DPY19L1: variants seen among roughly 807,000 people sequenced by gnomAD.
The protein encoded by DPY19L1 is dpy-19 like C-mannosyltransferase 1.
In DPY19L1, 35 loss-of-function variants were observed where a neutral mutation model predicts 96.9. The observed-to-expected ratio is 0.36, with a 90% CI of 0.28 to 0.48. The LOEUF (loss-of-function observed/expected upper bound fraction) is 0.48. Among genes scored for constraint, DPY19L1 ranks in the 20% least tolerant of loss-of-function variants. The probability of loss-of-function intolerance (pLI) is 0.99; values close to 1 mark genes in which losing one functional copy is unlikely to be tolerated. For missense variants in DPY19L1, 521 were observed against 777.9 expected (o/e 0.67, Z 3.93); for synonymous variants, 205 against 252.6 (o/e 0.81, Z 1.79).
intron 8 of DPY19L1, among the ~76,000 whole-genome samples, chr7:34,970,388 T>A (rs553194238): frequency 9.8e-5 from 15 of 152,306 alleles, no homozygotes; most frequent in African/African-American, 3.6e-4. Context: ...CCAGATAACC[T>A]TTTAATGAGT....
At chr7:35,002,943 G>A (rs1239022775) in intron 6 of DPY19L1, among the ~76,000 whole-genome samples, 3 of 151,932 alleles carry the variant, frequency 2.0e-5, no homozygotes, top group East Asian at 3.9e-4. Context: ...TAATTTTTTT[G>A]TATTTTTTAG....
chr7:34,961,079 T>C lies in DPY19L1; in HGVS notation c.1093-3009A>G, dbSNP rs184470969. The stretch of plus-strand genomic sequence containing the variant: ...ACAGGAAGATTCCATATTGAAGGGA[T>C]GTCAGTTCTTCCCAACTTGATTCAG... On this transcript the variant is annotated intron_variant, in intron 10 of 21. Transcript: ENST00000638088. Among the ~76,000 whole-genome samples the C allele has an allele frequency of 6.2e-3, 944 of 152,320 alleles. 7 individuals carry two copies. The highest frequency in any genetic ancestry group is 0.021 in the African/African-American group (883 of 41,568).
chr7:35,002,061 AG>A (rs1785438394), intron 6 of DPY19L1, among the ~76,000 whole-genome samples: 2 of 147,310 alleles, frequency 1.4e-5, no homozygotes, highest in Admixed American at 1.4e-4. Context: ...CAGGAGGCCA[AG>A]GTTGCAGTGA....
intron 7 of DPY19L1, chr7:34,988,154 G>T (rs1408102730): frequency 6.6e-6 from 1 of 152,040 alleles, no homozygotes; most frequent in African/African-American, 2.4e-5. Flanking sequence ...ATAAGAAAAC[G>T]TAAGACGAAG....
Position 34,949,803 on chromosome 7 carries a change from T to A in DPY19L1, c.1416A>T (p.Glu472Asp). Residue 472 changes from glutamate (E) to aspartate (D), a missense_variant, in exon 14 of 22, where the codon GAA becomes GAT. By Grantham distance (45) the Glu-to-Asp change is conservative. Coordinates refer to ENST00000638088, the MANE Select transcript of DPY19L1 (RefSeq NM_001366673.1). ...YTCAAEFDFM[E>D]KETPLRYTKT... ...ACTAGAAATCACATCTTACCTCTTT[T>A]TCCATAAAGTCAAACTCCGCTGCAC... 1 of 1,590,518 alleles carries A rather than the reference T, an allele frequency of 6.3e-7. No homozygotes were observed. The highest frequency in any genetic ancestry group is 1.4e-5 in the African/African-American group (1 of 74,032).
At chr7:34,941,687 G>A in intron 18 of DPY19L1, 78 bp downstream of exon 18, 13 of 1,357,390 alleles carry the variant, frequency 9.6e-6, no homozygotes, top group Non-Finnish European at 1.3e-5. Flanking sequence ...AAAAGACTTT[G>A]TAATTCATTA....
At chr7:34,963,256 T>G (rs1394317528) in intron 10 of DPY19L1, among the ~76,000 whole-genome samples, 4 of 150,064 alleles carry the variant, frequency 2.7e-5, no homozygotes, top group African/African-American at 9.8e-5. Context: ...AAAATAAAGA[T>G]TTTTAATTAA....
At chr7:35,018,917 T>C (rs1293986375) in intron 1 of DPY19L1, among the ~76,000 whole-genome samples, 2 of 152,034 alleles carry the variant, frequency 1.3e-5, no homozygotes, top group African/African-American at 4.8e-5. Flanking sequence ...TAAGGATAAC[T>C]TAGAATAAAG....
intron 21 of DPY19L1, among the ~76,000 whole-genome samples, 149 bp downstream of exon 21, chr7:34,937,841 AGAGT>A (rs1348537008): frequency 6.6e-6 from 1 of 152,072 alleles, no homozygotes. Context: ...CCTGGGCAAC[AGAGT>A]GAGAGCCTGT....
At chr7:35,023,629 T>C (rs1243987838) in intron 1 of DPY19L1, among the ~76,000 whole-genome samples, 2 of 152,178 alleles carry the variant, frequency 1.3e-5, no homozygotes. Context: ...ATTTTACAAA[T>C]GAAAGAATGG....
chr7:35,001,406 C>T (rs1785423737), intron 6 of DPY19L1, among the ~76,000 whole-genome samples: 1 of 152,120 alleles, frequency 6.6e-6, no homozygotes, highest in Non-Finnish European at 1.5e-5. Context: ...TTTTGGAAGG[C>T]AAGCATTCTT....
Position 34,940,258 on chromosome 7 carries a change from T to A in DPY19L1, c.1759A>T (p.Ile587Leu), listed in dbSNP as rs755601353. The change falls in exon 19 of 22, where the codon ATA becomes TTA. Residue 587 changes from isoleucine (I) to leucine (L), a missense_variant. Physicochemically the swap from Ile to Leu is conservative, Grantham distance 5 (BLOSUM62 2). Transcript: ENST00000638088. ...GTTTGCAGATTTGCTGAACCTTGTATTGACATTGCTGCTAATATAGCAAAC... is the reference window on the plus strand; with the variant it reads ...GTTTGCAGATTTGCTGAACCTTGTAATGACATTGCTGCTAATATAGCAAAC... ...IVFAILAAMS[I>L]QGSANLQTQW... 2 of 1,612,714 alleles carry A rather than the reference T, an allele frequency of 1.2e-6. No homozygotes were observed. The highest frequency in any genetic ancestry group is 4.5e-5 in the East Asian group (2 of 44,828).
intron 6 of DPY19L1, among the ~76,000 whole-genome samples, chr7:35,002,531 A>G (rs1329892129): frequency 6.6e-6 from 1 of 152,210 alleles, no homozygotes; most frequent in Non-Finnish European, 1.5e-5. Flanking sequence ...GAAATAATTC[A>G]AGAAAATTCT....
intron 8 of DPY19L1, among the ~76,000 whole-genome samples, chr7:34,973,028 G>C (rs1246119760): frequency 1.3e-5 from 2 of 152,026 alleles, no homozygotes; most frequent in Non-Finnish European, 1.5e-5. Context: ...ATCATGCTTT[G>C]TTCCATTTTT....
In DPY19L1 at chr7:34,987,029, CAA is replaced by C. The variant is rs1301487316; in HGVS notation, c.822+2853_822+2854del. ...GAAAAAGCTAAACAATCCTATTTCA[CAA>C]AAAAAGAATTTCTAACAATCAAAAA... On this transcript the variant is annotated intron_variant, in intron 7 of 21. Coordinates refer to ENST00000638088, the MANE Select transcript of DPY19L1 (RefSeq NM_001366673.1). Among the ~76,000 whole-genome samples the C allele has an allele frequency of 3.4e-4, 51 of 151,762 alleles. No individual in the cohort carries two copies. The East Asian group carries it at 7.0e-3, about 21-fold the overall frequency.
At chr7:34,938,983 A>G (rs1783932572) in intron 20 of DPY19L1, 1 of 239,218 alleles carries the variant, frequency 4.2e-6, no homozygotes, top group Non-Finnish European at 8.0e-6. Flanking sequence ...CAGGATGAAA[A>G]GGACTTGGAC....
At chr7:34,999,734 T>C (rs1329494475) in intron 6 of DPY19L1, among the ~76,000 whole-genome samples, 2 of 152,204 alleles carry the variant, frequency 1.3e-5, no homozygotes, top group African/African-American at 2.4e-5. Flanking sequence ...AGTTCAGCTG[T>C]AGATCTGGAG....
At chr7:34,956,046 A>G (rs1223845634) in intron 11 of DPY19L1, among the ~76,000 whole-genome samples, 2 of 152,116 alleles carry the variant, frequency 1.3e-5, no homozygotes, top group African/African-American at 4.8e-5. Context: ...ATTTATTTTT[A>G]TACACCAAAA....
chr7:34,974,296 C>T (rs1371171154), intron 7 of DPY19L1, among the ~76,000 whole-genome samples: 2 of 152,060 alleles, frequency 1.3e-5, no homozygotes, highest in South Asian at 2.1e-4. Flanking sequence ...GACAGAAAAC[C>T]GCATACAATT....
Sources: allele counts gnomAD v4.1 joint callset (sites outside exome capture counted in the v4.1 genomes callset), GRCh38; gene constraint gnomAD v4.1.1; transcripts MANE v1.5; gene names NCBI Gene and HGNC (gene_info 2026-07-23, HGNC 2026-07-21).